NID1: variants seen among roughly 807,000 people sequenced by gnomAD.
NID1 encodes nidogen-1.
Under a neutral mutation model 130.6 loss-of-function variants are expected in NID1, and 76 were observed. The ratio of observed to expected loss-of-function variants is 0.58; its 90% CI spans 0.48 to 0.70. NID1 has a LOEUF of 0.70. NID1 is among the 30% of genes least tolerant of loss of function. The probability of loss-of-function intolerance (pLI) is 0.00; values close to 1 mark genes in which losing one functional copy is unlikely to be tolerated. For missense variants in NID1, 1,517 were observed against 1,664.8 expected, an observed-to-expected ratio of 0.91 and a Z score of 1.54; for synonymous variants, 665 against 675.1, an observed-to-expected ratio of 0.98 and a Z score of 0.23.
intron 6 of NID1, among the ~76,000 whole-genome samples, chr1:236,030,652 A>G (rs1384565399): frequency 6.6e-6 from 1 of 152,238 alleles, no homozygotes; most frequent in Admixed American, 6.5e-5. Context: ...ATGGCCTAAA[A>G]TAATTAGGCA....
At chr1:236,007,061 C>A (rs1658268541) in intron 12 of NID1, among the ~76,000 whole-genome samples, 1 of 152,080 alleles carries the variant, frequency 6.6e-6, no homozygotes, top group African/African-American at 2.4e-5. Flanking sequence ...CTAGCTCTGT[C>A]ACCCCAGGCT....
intron 5 of NID1, among the ~76,000 whole-genome samples, chr1:236,036,181 C>T (rs933672028): frequency 6.6e-6 from 1 of 152,168 alleles, no homozygotes; most frequent in East Asian, 1.9e-4. Flanking sequence ...GGAGAAGATA[C>T]AAAAGCCAAG....
intron 15 of NID1, among the ~76,000 whole-genome samples, chr1:235,982,024 A>G (rs1258303613): frequency 1.3e-5 from 2 of 152,224 alleles, no homozygotes; most frequent in Non-Finnish European, 2.9e-5. Flanking sequence ...CAGGACAGTA[A>G]CAATGACTAA....
chr1:235,980,354 GA>G, intron 17 of NID1, 141 bp downstream of exon 17: 1 of 807,956 alleles, frequency 1.2e-6, no homozygotes, highest in East Asian at 2.7e-5. Context: ...TAATGTACCA[GA>G]TAAAACCGTA....
intron 6 of NID1, among the ~76,000 whole-genome samples, chr1:236,030,270 G>A (rs1182884144): frequency 2.6e-5 from 4 of 152,302 alleles, no homozygotes; most frequent in Non-Finnish European, 5.9e-5. Flanking sequence ...CTGCTACCAT[G>A]ATGGCTTAGG....
At chr1:235,993,395 A>G (rs1359319534) in intron 13 of NID1, among the ~76,000 whole-genome samples, 1 of 138,154 alleles carries the variant, frequency 7.2e-6, no homozygotes, top group Non-Finnish European at 1.5e-5. Context: ...TACACCCTAC[A>G]CGTGTGTGTG....
At chr1:235,993,519 G>A (rs1346995101) in intron 13 of NID1, 126 bp downstream of exon 13, 1 of 860,082 alleles carries the variant, frequency 1.2e-6, no homozygotes, top group Middle Eastern at 3.6e-4. Flanking sequence ...AGGAGCGGGT[G>A]GGGCTGGAGC....
At chr1:235,998,201 A>T (rs1260994620) in intron 12 of NID1, among the ~76,000 whole-genome samples, 3 of 152,192 alleles carry the variant, frequency 2.0e-5, no homozygotes, top group South Asian at 2.1e-4. Context: ...GGTTTGCTTA[A>T]CGTGGTTGCT....
chr1:236,061,742 C>A (rs1420191199), intron 1 of NID1, among the ~76,000 whole-genome samples: 2 of 151,070 alleles, frequency 1.3e-5, no homozygotes, highest in African/African-American at 4.9e-5. Context: ...AAAAAAAAAA[C>A]ACGATTTTTT....
rs745707487 is a variant in NID1 at position 235,981,668 on chromosome 1, A to G, written c.3170T>C (p.Val1057Ala). The G allele has an allele frequency of 1.4e-5, 22 of 1,614,092 alleles. No homozygotes were observed. The African/African-American group carries it at 2.7e-4, about 20-fold the overall frequency. Reference sequence around the variant, plus strand: ...ATTCACCAAGTCAGTCTCAAAGAGCACCCGGCGCTGCGTGCCGTCCAGCTT... The same window carrying G: ...ATTCACCAAGTCAGTCTCAAAGAGCGCCCGGCGCTGCGTGCCGTCCAGCTT... ...VAKLDGTQRR[V>A]LFETDLVNPR... The change falls in exon 16 of 20, where the codon GTG (valine) becomes GCG (alanine). Residue 1057 changes from valine to alanine, a missense_variant. By Grantham distance (64) the Val-to-Ala change is moderately conservative. Around this residue, in one of 3 missense-constraint regions of NID1, gnomAD observed 1,329 missense variants for 1,429.2 expected, o/e 0.93. Coordinates refer to ENST00000264187, the MANE Select transcript of NID1 (RefSeq NM_002508.3).
chr1:235,999,820 A>C (rs961739960), intron 12 of NID1, among the ~76,000 whole-genome samples: 1 of 152,164 alleles, frequency 6.6e-6, no homozygotes, highest in Non-Finnish European at 1.5e-5. Context: ...CTCTCAGCCG[A>C]GGGCATTCCA....
intron 1 of NID1, among the ~76,000 whole-genome samples, chr1:236,052,201 C>T (rs1558449819): frequency 6.6e-6 from 1 of 152,336 alleles, no homozygotes; most frequent in Non-Finnish European, 1.5e-5. Flanking sequence ...AAAAATATTC[C>T]CGTCCACTTG....
intron 7 of NID1, among the ~76,000 whole-genome samples, chr1:236,028,765 T>C (rs893532332): frequency 1.3e-5 from 2 of 151,994 alleles, no homozygotes; most frequent in Non-Finnish European, 2.9e-5. Flanking sequence ...ATGTTAACAA[T>C]TGGTGAAGCT....
At position 236,048,786 on chromosome 1, in the gene NID1, C is replaced by A. The variant is rs759188203; in HGVS notation, c.429G>T (p.Pro143=). 6.2e-7 allele frequency: 1 copy of A among 1,613,868 alleles called. No individual in the cohort carries two copies. The highest frequency in any genetic ancestry group is 8.5e-7 in the Non-Finnish European group (1 of 1,180,024). Residue 143 remains proline (P), a synonymous_variant, in exon 2 of 20, where the codon CCG becomes CCT. Coordinates refer to ENST00000264187, the MANE Select transcript of NID1 (RefSeq NM_002508.3). ...CGCTACTAGGCTGGAAAGAGATCTC[C>A]GGGAACCCTCTGTGGACACACTCTG... ...RAAECVHRGF[P]EISFQPSSAV...
chr1:236,025,694 C>T lies in NID1; in HGVS notation c.1984+202G>A, dbSNP rs931434885. ...CTGCACTTTACTTTAGATAGAATCA[C>T]GAATAGGCCTTTGGTTAGAAGAACA... On this transcript the variant is annotated intron_variant, in intron 8 of 19. Coordinates refer to ENST00000264187, the MANE Select transcript of NID1 (RefSeq NM_002508.3). Among the ~76,000 whole-genome samples the T allele has an allele frequency of 6.6e-5, 10 of 152,184 alleles. No individual in the cohort carries two copies. In the East Asian group the frequency reaches 7.7e-4, roughly 12 times the overall value.
intron 1 of NID1, among the ~76,000 whole-genome samples, chr1:236,056,917 G>A (rs1045212838): frequency 1.3e-5 from 2 of 151,908 alleles, no homozygotes; most frequent in African/African-American, 4.8e-5. Flanking sequence ...AACATGAAGC[G>A]TAAGTATTGC....
Position 235,980,668 on chromosome 1 carries a change from A to T in NID1, c.3228-15T>A. On this transcript the variant is annotated splice_polypyrimidine_tract_variant and intron_variant, in intron 16 of 19. Coordinates refer to ENST00000264187, the MANE Select transcript of NID1 (RefSeq NM_002508.3). Reference sequence around the variant, plus strand: ...AGTAAAGGTTCCTGGAGGAGGAAAAAGGGGGGAAAGAGGAAAAGAAATAAT... The same window carrying T: ...AGTAAAGGTTCCTGGAGGAGGAAAATGGGGGGAAAGAGGAAAAGAAATAAT... The T allele has an allele frequency of 6.2e-7, 1 of 1,608,774 alleles. No individual in the cohort carries two copies. Among genetic ancestry groups the T allele is most frequent in the Non-Finnish European group, 8.5e-7 (1 of 1,177,284 alleles).
intron 1 of NID1, chr1:236,060,554 T>C (rs999681799): frequency 6.6e-6 from 1 of 152,176 alleles, no homozygotes; most frequent in African/African-American, 2.4e-5. Context: ...ATAAGGGTAA[T>C]AGAGATGAGT....
chr1:236,020,291 CT>C (rs1658725697), intron 9 of NID1, among the ~76,000 whole-genome samples: 1 of 152,108 alleles, frequency 6.6e-6, no homozygotes, highest in South Asian at 2.1e-4. Context: ...TTGCTGCCTC[CT>C]TTTTGACTTT....
Sources: gnomAD v4.1 joint callset for allele counts (sites outside exome capture counted in the v4.1 genomes callset) on GRCh38, gnomAD v4.1.1 for gene constraint, gnomAD v4.1.1 regional missense constraint, MANE v1.5 for transcripts, NCBI Gene and HGNC (gene_info 2026-07-23, HGNC 2026-07-21) for gene names.